Variants in UNC93B1 observed in about 807,000 individuals in gnomAD.
UNC93B1 encodes the protein unc-93B1 regulator of TLR signaling.
In UNC93B1, 33 loss-of-function variants were observed where a neutral mutation model predicts 56.8. The ratio of observed to expected loss-of-function variants is 0.58; its 90% CI spans 0.44 to 0.78. The LOEUF (loss-of-function observed/expected upper bound fraction) is 0.78. UNC93B1 is among the 30% of genes least tolerant of loss of function. UNC93B1 has a pLI of 0.00. For missense variants in UNC93B1, 673 were observed against 819.5 expected (o/e 0.82, Z 2.18); for synonymous variants, 334 against 358.6 (o/e 0.93, Z 0.77).
At chr11:67,996,022 A>T (rs188666600) in intron 8 of UNC93B1, 138 bp from the exon 9 acceptor site, 38 of 601,336 alleles carry the variant, frequency 6.3e-5, no homozygotes, top group Non-Finnish European at 7.6e-5. Flanking sequence ...TCTGGCTCTT[A>T]CTCCCCGCAT....
rs1241088529 is a variant in UNC93B1, at chr11:68,003,546, G to A, written c.238+111C>T. On this transcript the variant is annotated intron_variant, in intron 2 of 10. Coordinates refer to ENST00000227471, the MANE Select transcript of UNC93B1 (RefSeq NM_030930.4). The surrounding 1 kb of genome is among the most constrained non-coding windows in gnomAD (Gnocchi z 4.4). ...CGGGGGGCCGTGGCTGCAGCTGCGA[G>A]GGCAGCGGAGGGGAAGTGAGAGCGG... 2.9e-6 allele frequency: 4 copies of A among 1,390,322 alleles called. No individual in the cohort carries two copies. The highest frequency in any genetic ancestry group is 3.7e-6 in the Non-Finnish European group (4 of 1,066,704). 86.1% of individuals were successfully genotyped at this position (1,390,322 alleles called of 1,614,324 possible).
Position 68,003,877 on chromosome 11 carries a change from G to T in UNC93B1, c.96+71C>A. 13 of 1,281,974 alleles carry T rather than the reference G, an allele frequency of 1.0e-5. No individual in the cohort carries two copies. Among genetic ancestry groups the T allele is most frequent in the South Asian group, 2.5e-5 (1 of 40,664 alleles). The allele number at this position is 1,281,974 out of a possible 1,614,324, so 79.4% of individuals were successfully genotyped here. On this transcript the variant is annotated intron_variant, in intron 1 of 10. Coordinates refer to ENST00000227471, the MANE Select transcript of UNC93B1 (RefSeq NM_030930.4). The surrounding 1 kb of genome is among the most constrained non-coding windows in gnomAD (Gnocchi z 4.4). ...CCCGGTGCCCGCCGCCCCCCGGCCC[G>T]CCCCGCCCCCGCCGGGGGGACCCTG...
At chr11:68,000,775 G>T (rs1565126557) in intron 3 of UNC93B1, among the ~76,000 whole-genome samples, 1 of 152,224 alleles carries the variant, frequency 6.6e-6, no homozygotes, top group Non-Finnish European at 1.5e-5. Context: ...CTCTACTGGG[G>T]TTCAAGCCTT....
At position 67,999,629 on chromosome 11, in the gene UNC93B1, G is replaced by C; in HGVS notation, c.444C>G (p.Leu148=). ...MMFLAVGIYA[L]FVSTNYWERY... Reference sequence around the variant, plus strand: ...GCTCCCAGTAGTTGGTGGAGACAAAGAGGGCGTAGATGCCCACAGCGAGGA... The same window carrying C: ...GCTCCCAGTAGTTGGTGGAGACAAACAGGGCGTAGATGCCCACAGCGAGGA... Residue 148 remains leucine (L), a synonymous_variant, in exon 4 of 11, where the codon CTC becomes CTG. Coordinates refer to ENST00000227471, the MANE Select transcript of UNC93B1 (RefSeq NM_030930.4). 3 of 1,611,390 alleles carry C rather than the reference G, an allele frequency of 1.9e-6. No individual in the cohort carries two copies. The highest frequency in any genetic ancestry group is 2.2e-5 in the South Asian group (2 of 90,428).
In UNC93B1 at chr11:68,003,972, C is replaced by G; in HGVS notation, c.72G>C (p.Gly24=). 2 of 1,399,516 alleles carry G rather than the reference C, an allele frequency of 1.4e-6. No individual in the cohort carries two copies. Among genetic ancestry groups the G allele is most frequent in the Non-Finnish European group, 1.9e-6 (2 of 1,073,400 alleles). The allele number at this position is 1,399,516 out of a possible 1,614,324, so 86.7% of individuals were successfully genotyped here. The part of the protein sequence containing the change: ...AGPQGDEDLL[G]VPDGPEAPLD... ...CCGGGGCCTCGGGCCCGTCCGGGAC[C>G]CCGAGCAGGTCCTCGTCGCCCTGCG... The change falls in exon 1 of 11, where the codon GGG becomes GGC. Residue 24 remains glycine, a synonymous_variant. Coordinates refer to ENST00000227471, the MANE Select transcript of UNC93B1 (RefSeq NM_030930.4). This position sits in a 1 kb window ranked among gnomAD's most constrained non-coding sequence, Gnocchi z 4.4.
intron 3 of UNC93B1, among the ~76,000 whole-genome samples, chr11:68,001,273 T>C (rs919764786): frequency 2.0e-5 from 3 of 152,036 alleles, no homozygotes. Flanking sequence ...CTGCTATTAG[T>C]AGAAGTGATA....
At chr11:67,992,320 T>C (rs903992914) in intron 10 of UNC93B1, among the ~76,000 whole-genome samples, 1 of 152,104 alleles carries the variant, frequency 6.6e-6, no homozygotes, top group African/African-American at 2.4e-5. Flanking sequence ...TACTTCCTGC[T>C]CTTTTCTTTT....
intron 10 of UNC93B1, among the ~76,000 whole-genome samples, chr11:67,993,205 T>C (rs1203687420): frequency 6.6e-6 from 1 of 151,902 alleles, no homozygotes; most frequent in Non-Finnish European, 1.5e-5. Context: ...GTCAGGCTGG[T>C]CTCAAACTCC....
In UNC93B1 at chr11:67,997,760, G is replaced by A; in HGVS notation, c.821C>T (p.Thr274Met). The change falls in exon 7 of 11, where the codon ACG becomes ATG. Residue 274 changes from threonine to methionine, a missense_variant. By Grantham distance (81) the Thr-to-Met change is moderately conservative. Coordinates refer to ENST00000227471, the MANE Select transcript of UNC93B1 (RefSeq NM_030930.4). ...SHGILSGFNK[T>M]VLRTLPRSGN... ...GCTCCGCGGGAGCGTCCGCAGAACC[G>A]TCTTGTTGAAGCCGCTGAGGATCCC... The A allele has an allele frequency of 6.2e-7, 1 of 1,610,354 alleles. No individual in the cohort carries two copies. Among genetic ancestry groups the A allele is most frequent in the Non-Finnish European group, 8.5e-7 (1 of 1,179,810 alleles).
chr11:68,001,307 T>C (rs1459337629), intron 3 of UNC93B1, among the ~76,000 whole-genome samples: 2 of 152,204 alleles, frequency 1.3e-5, no homozygotes, highest in Non-Finnish European at 2.9e-5. Context: ...ATAAAGCCTT[T>C]TGTATGGCTT....
At chr11:67,994,055 G>A (rs1472022822) in intron 9 of UNC93B1, among the ~76,000 whole-genome samples, 1 of 152,206 alleles carries the variant, frequency 6.6e-6, no homozygotes, top group African/African-American at 2.4e-5. Flanking sequence ...CACCACATGC[G>A]TGGCCTCAAA....
At chr11:67,995,925 C>G in intron 8 of UNC93B1, 41 bp from the exon 9 acceptor site, 1 of 1,436,390 alleles carries the variant, frequency 7.0e-7, no homozygotes. Context: ...TCTGGAACAG[C>G]CCAGACCACA....
chr11:67,997,956 G>T (rs1473427483), intron 6 of UNC93B1, among the ~76,000 whole-genome samples, 157 bp from the exon 7 acceptor site: 1 of 152,182 alleles, frequency 6.6e-6, no homozygotes, highest in Admixed American at 6.5e-5. Context: ...TGGAGGTTTG[G>T]ACCACTGGGG....
In UNC93B1 at chr11:67,996,640, C is replaced by T. The variant is rs1278798094; in HGVS notation, c.1051G>A (p.Gly351Ser). 6.4e-7 allele frequency: 1 copy of T among 1,551,346 alleles called. No homozygotes were observed. Among genetic ancestry groups the T allele is most frequent in the African/African-American group, 1.4e-5 (1 of 73,026 alleles). ...RHLVPFFIYS[G>S]FEVLFACTGI... ...GTGCAGGCAAAGAGCACCTCGAAGCCGCTGTAGATAAAGAAAGGCACGAGG... is the reference window on the plus strand; with the variant it reads ...GTGCAGGCAAAGAGCACCTCGAAGCTGCTGTAGATAAAGAAAGGCACGAGG... The change falls in exon 8 of 11, where the codon GGC (glycine) becomes AGC (serine). Residue 351 changes from glycine (G) to serine (S), a missense_variant. Gly to Ser is a moderately conservative substitution (Grantham distance 56). Coordinates refer to ENST00000227471, the MANE Select transcript of UNC93B1 (RefSeq NM_030930.4).
At chr11:67,998,594 G>T in intron 5 of UNC93B1, 142 bp from the exon 6 acceptor site, 1 of 748,612 alleles carries the variant, frequency 1.3e-6, no homozygotes, top group East Asian at 2.5e-5. Context: ...TTACAGGGCC[G>T]CCCAATGAGG....
chr11:67,995,466 T>G, intron 9 of UNC93B1, 145 bp downstream of exon 9: 1 of 696,520 alleles, frequency 1.4e-6, no homozygotes, highest in South Asian at 2.3e-5. Context: ...AAGCCCCACC[T>G]GCCTCTGCCA....
chr11:67,991,541 G>T lies in UNC93B1; in HGVS notation c.*5C>A, dbSNP rs1229940073. ...GGAGGCTGAGTCCGGGGACCAGGCGGCCCCTCACTGCTCCTCCGGCCCGTC... is the reference window on the plus strand; with the variant it reads ...GGAGGCTGAGTCCGGGGACCAGGCGTCCCCTCACTGCTCCTCCGGCCCGTC... On this transcript the variant is annotated 3_prime_UTR_variant, in exon 11 of 11. Transcript: ENST00000227471. 2 of 1,424,294 alleles carry T rather than the reference G, an allele frequency of 1.4e-6. No homozygotes were observed. Among genetic ancestry groups the T allele is most frequent in the Admixed American group, 2.9e-5 (1 of 34,506 alleles). 88.2% of individuals were successfully genotyped at this position (1,424,294 alleles called of 1,614,324 possible).
intron 10 of UNC93B1, among the ~76,000 whole-genome samples, chr11:67,993,252 G>T (rs866786785): frequency 4.6e-5 from 7 of 151,698 alleles, no homozygotes; most frequent in Non-Finnish European, 7.4e-5. Context: ...GCCTCCCAAA[G>T]TGCTGGGATT....
chr11:68,002,868 C>G (rs970972719), intron 3 of UNC93B1, among the ~76,000 whole-genome samples, 154 bp downstream of exon 3: 1 of 152,144 alleles, frequency 6.6e-6, no homozygotes, highest in Non-Finnish European at 1.5e-5. Context: ...GAGTTTCACC[C>G]CCTTCACTCT....
Sources: allele counts gnomAD v4.1 joint callset (sites outside exome capture counted in the v4.1 genomes callset), GRCh38; gene constraint gnomAD v4.1.1; non-coding constraint Gnocchi (gnomAD v3.1); transcripts MANE v1.5; gene names NCBI Gene and HGNC (gene_info 2026-07-23, HGNC 2026-07-21).